The following BTNL8 variants were observed in gnomAD, a reference collection of about 807,000 sequenced individuals.
BTNL8 encodes the protein butyrophilin-like protein 8.
In BTNL8, 22 loss-of-function variants were observed where a neutral mutation model predicts 36.1. That is an observed-to-expected ratio of 0.61 (90% CI 0.44 to 0.87). BTNL8 has a LOEUF of 0.87. Ranked by LOEUF, BTNL8 falls within the 40% of genes least tolerant of loss-of-function variation. BTNL8 has a pLI of 0.00. For synonymous variants in BTNL8, 203 were observed against 235.6 expected, an observed-to-expected ratio of 0.86 and a Z score of 1.27; for missense variants, 526 against 616.9, an observed-to-expected ratio of 0.85 and a Z score of 1.56.
chr5:180,925,107 A>G (rs1169835906), intron 3 of BTNL8, among the ~76,000 whole-genome samples: 2 of 152,192 alleles, frequency 1.3e-5, no homozygotes, highest in African/African-American at 4.8e-5. Flanking sequence ...GTCAGAGAAT[A>G]AAAAAGAAAA....
At chr5:180,943,715 A>G (rs767987701) in intron 3 of BTNL8, among the ~76,000 whole-genome samples, 6 of 152,218 alleles carry the variant, frequency 3.9e-5, no homozygotes, top group African/African-American at 7.2e-5. Context: ...CAAAACTACC[A>G]TAGATCCAGC....
chr5:180,907,873 A>T lies in BTNL8; in HGVS notation c.50-713A>T, dbSNP rs1483245802. ...GACTCACTTGAGGAGGCAGTCTGCCAGTTCTCAGATCTCCAGCTGCGTGCT... is the reference window on the plus strand; with the variant it reads ...GACTCACTTGAGGAGGCAGTCTGCCTGTTCTCAGATCTCCAGCTGCGTGCT... On this transcript the variant is annotated intron_variant, in intron 1 of 7. Transcript: ENST00000340184. 2.0e-4 allele frequency among the ~76,000 whole-genome samples: 29 copies of T among 148,594 alleles called. 1 individual carries two copies. In the East Asian group the frequency reaches 2.6e-3, roughly 13 times the overall value.
chr5:180,949,353 G>C lies in BTNL8; in HGVS notation c.862+88G>C. On this transcript the variant is annotated intron_variant, in intron 7 of 7. Coordinates refer to ENST00000340184, the MANE Select transcript of BTNL8 (RefSeq NM_001040462.3). ...GAACAGGGACAGATACGGGAACACA[G>C]AGTGATGCTGAGACCCATCCTGCCT... 1.4e-6 allele frequency: 2 copies of C among 1,440,990 alleles called. 1 individual carries two copies. The highest frequency in any genetic ancestry group is 1.9e-6 in the Non-Finnish European group (2 of 1,043,856). The allele number at this position is 1,440,990 out of a possible 1,614,324, so 89.3% of individuals were successfully genotyped here. A position where few individuals can be genotyped will look rare whatever the true frequency, so the allele number is the denominator to read the frequency against.
intron 4 of BTNL8, chr5:180,947,938 G>C: frequency 1.2e-6 from 1 of 856,188 alleles, no homozygotes; most frequent in Admixed American, 2.7e-5. Context: ...TTTTAATGTG[G>C]TGAACAAATT....
intron 3 of BTNL8, among the ~76,000 whole-genome samples, chr5:180,933,385 C>A (rs1441370242): frequency 6.6e-6 from 1 of 152,160 alleles, no homozygotes; most frequent in Non-Finnish European, 1.5e-5. Flanking sequence ...TTCTCCAGAA[C>A]ATATCATATC....
At chr5:180,949,860 G>C (rs7702022) in intron 7 of BTNL8, 44 bp from the exon 8 acceptor site, 263,691 of 1,418,198 alleles carry the variant, frequency 0.19, 71,844 homozygotes, top group African/African-American at 0.49. Flanking sequence ...CCCAGATTTC[G>C]TCTTCAGTAA....
chr5:180,929,529 GT>G (rs1434019103), intron 3 of BTNL8, among the ~76,000 whole-genome samples: 6 of 149,712 alleles, frequency 4.0e-5, no homozygotes, highest in Admixed American at 3.9e-4. Flanking sequence ...CCAGGAGGTG[GT>G]TTTTTGAAAA....
At chr5:180,909,742 AGAAGG>A (rs1757303491) in intron 2 of BTNL8, 1 of 274,210 alleles carries the variant, frequency 3.6e-6, no homozygotes, top group Non-Finnish European at 5.5e-6. Flanking sequence ...AGAAGATGAA[AGAAGG>A]AAAAAACAGA....
chr5:180,899,935 T>C (rs1428348900), intron 1 of BTNL8, among the ~76,000 whole-genome samples: 2 of 152,066 alleles, frequency 1.3e-5, no homozygotes, highest in Non-Finnish European at 2.9e-5. Context: ...AGAGGAAGCT[T>C]GAGGTTGGGG....
chr5:180,944,377 T>C (rs1050476518), intron 3 of BTNL8, among the ~76,000 whole-genome samples: 10 of 152,178 alleles, frequency 6.6e-5, no homozygotes, highest in African/African-American at 2.2e-4. Context: ...ATGGAAATGA[T>C]CATTACACAA....
rs1159072933 is a variant in BTNL8, at chr5:180,908,468, G to C, written c.50-118G>C. On this transcript the variant is annotated intron_variant, in intron 1 of 7. Transcript: ENST00000340184. ...AGATGGAAATGCAGAAATCACCCATGTTCTGCGTCGCTCACTCTGGGAGCT... is the reference window on the plus strand; with the variant it reads ...AGATGGAAATGCAGAAATCACCCATCTTCTGCGTCGCTCACTCTGGGAGCT... 7.3e-6 allele frequency: 7 copies of C among 952,808 alleles called. No homozygotes were observed. The East Asian group carries it at 1.0e-4, about 14-fold the overall frequency. The allele number at this position is 952,808 out of a possible 1,614,324, so 59.0% of individuals were successfully genotyped here. A position where few individuals can be genotyped will look rare whatever the true frequency, so the allele number is the denominator to read the frequency against.
intron 3 of BTNL8, among the ~76,000 whole-genome samples, chr5:180,932,296 GTA>G (rs1183028641): frequency 2.0e-5 from 3 of 152,194 alleles, no homozygotes; most frequent in African/African-American, 7.2e-5. Context: ...CATGGCACAT[GTA>G]TACCTATGTA....
intron 3 of BTNL8, among the ~76,000 whole-genome samples, chr5:180,938,063 A>G (rs149233213): frequency 1.1e-4 from 17 of 152,340 alleles, no homozygotes; most frequent in Non-Finnish European, 2.2e-4. Flanking sequence ...GGATTACTAT[A>G]GTGATAAAAT....
intron 3 of BTNL8, among the ~76,000 whole-genome samples, chr5:180,941,022 C>A (rs1758908366): frequency 6.6e-6 from 1 of 150,750 alleles, no homozygotes; most frequent in African/African-American, 2.4e-5. Context: ...ACCTGGGAGG[C>A]AGAGGCTGCA....
chr5:180,921,116 G>A (rs1200214302), intron 3 of BTNL8, among the ~76,000 whole-genome samples: 1 of 152,004 alleles, frequency 6.6e-6, no homozygotes, highest in Non-Finnish European at 1.5e-5. Context: ...AAGTTGCAGT[G>A]TACAAAATTA....
rs1758623675 is a variant in BTNL8 at position 180,935,750 on chromosome 5, G to C, written c.674-11762G>C. On this transcript the variant is annotated intron_variant, in intron 3 of 7. Transcript: ENST00000340184. This position sits in a 1 kb window ranked among gnomAD's most constrained non-coding sequence, Gnocchi z 4.8. ...TCCCAGCCCCCTCCCAGCCCCACCTGGCTCCATGGAGCACATGGCCCCAGC... is the reference window on the plus strand; with the variant it reads ...TCCCAGCCCCCTCCCAGCCCCACCTCGCTCCATGGAGCACATGGCCCCAGC... Among the ~76,000 whole-genome samples the C allele has an allele frequency of 7.0e-6, 1 of 143,880 alleles. No individual in the cohort carries two copies. The highest frequency in any genetic ancestry group is 7.2e-5 in the Admixed American group (1 of 13,964). 94.4% of individuals were successfully genotyped at this position (143,880 alleles called of 152,430 possible).
chr5:180,949,496 G>T (rs1582071221), intron 7 of BTNL8: 2 of 678,518 alleles, frequency 2.9e-6, no homozygotes, highest in Non-Finnish European at 2.3e-6. Flanking sequence ...AGACGGGGGG[G>T]TCTTTGGCAC....
rs765658481 is a variant in BTNL8 at position 180,899,285 on chromosome 5, G to A, written c.-26G>A. 13 of 1,613,260 alleles carry A rather than the reference G, an allele frequency of 8.1e-6. No individual in the cohort carries two copies. Among genetic ancestry groups the A allele is most frequent in the East Asian group, 2.2e-5 (1 of 44,876 alleles). Reference sequence around the variant, plus strand: ...CTCTCCTGTCATCCGTTTCCATGCCGTGAGGTCCATTCACAGAACACATCC... The same window carrying A: ...CTCTCCTGTCATCCGTTTCCATGCCATGAGGTCCATTCACAGAACACATCC... On this transcript the variant is annotated 5_prime_UTR_variant, in exon 1 of 8. The change creates a new upstream start codon in the 5' untranslated region. Coordinates refer to ENST00000340184, the MANE Select transcript of BTNL8 (RefSeq NM_001040462.3).
At chr5:180,947,770 C>G (rs982504467) in intron 4 of BTNL8, 145 bp downstream of exon 4, 1 of 1,610,772 alleles carries the variant, frequency 6.2e-7, no homozygotes, top group African/African-American at 1.3e-5. Flanking sequence ...TCATCCTTCT[C>G]TAGGGTATTC....
Sources: allele counts gnomAD v4.1 joint callset (sites outside exome capture counted in the v4.1 genomes callset), GRCh38; gene constraint gnomAD v4.1.1; non-coding constraint Gnocchi (gnomAD v3.1); transcripts MANE v1.5; gene names NCBI Gene and HGNC (gene_info 2026-07-23, HGNC 2026-07-21).